Variants in KCNN2 observed in about 807,000 individuals in gnomAD.
KCNN2 encodes small conductance calcium-activated potassium channel protein 2.
Under a neutral mutation model 55.5 loss-of-function variants are expected in KCNN2, and 24 were observed. The observed-to-expected ratio is 0.43, with a 90% CI of 0.31 to 0.61. The LOEUF is 0.61. KCNN2 is among the 20% of genes least tolerant of loss of function. The pLI is 0.08. For missense variants in KCNN2, 754 were observed against 853.6 expected, an observed-to-expected ratio of 0.88 and a Z score of 1.45; for synonymous variants, 431 against 336.1, an observed-to-expected ratio of 1.28 and a Z score of -3.09.
intron 1 of KCNN2, among the ~76,000 whole-genome samples, chr5:114,205,774 T>A (rs955524688): frequency 6.6e-6 from 1 of 152,210 alleles, no homozygotes; most frequent in Non-Finnish European, 1.5e-5. Flanking sequence ...TTCTCAGTAT[T>A]TTACTGACTT....
chr5:114,422,273 T>G (rs1264713791), intron 3 of KCNN2, among the ~76,000 whole-genome samples: 2 of 152,194 alleles, frequency 1.3e-5, no homozygotes, highest in East Asian at 3.9e-4. Flanking sequence ...TATTTAAAAC[T>G]GGGGTCTTTC....
chr5:114,279,613 C>G (rs1452872010), intron 2 of KCNN2, among the ~76,000 whole-genome samples: 1 of 152,138 alleles, frequency 6.6e-6, no homozygotes, highest in East Asian at 1.9e-4. Flanking sequence ...ATCCATGTCC[C>G]TGCAAAGGAC....
chr5:114,390,143 A>G (rs1236901943), intron 2 of KCNN2, among the ~76,000 whole-genome samples: 1 of 152,218 alleles, frequency 6.6e-6, no homozygotes, highest in Non-Finnish European at 1.5e-5. Context: ...CAATATTATT[A>G]CTATAATGCT....
At chr5:114,080,215 T>C (rs1015298529) in intron 1 of KCNN2, among the ~76,000 whole-genome samples, 2 of 152,206 alleles carry the variant, frequency 1.3e-5, no homozygotes, top group Admixed American at 6.5e-5. Flanking sequence ...ATTTGAAAAC[T>C]AGAATGAGAA....
At chr5:114,253,357 C>T (rs906785117) in intron 2 of KCNN2, among the ~76,000 whole-genome samples, 1 of 152,116 alleles carries the variant, frequency 6.6e-6, no homozygotes, top group Non-Finnish European at 1.5e-5. Context: ...TGGAATTTAG[C>T]TTTCTACCTG....
At chr5:114,472,702 T>C (rs1198946170) in intron 4 of KCNN2, among the ~76,000 whole-genome samples, 1 of 152,220 alleles carries the variant, frequency 6.6e-6, no homozygotes, top group Non-Finnish European at 1.5e-5. Flanking sequence ...TTTATGCTAA[T>C]CTACTCATTT....
chr5:114,378,665 A>T, intron 2 of KCNN2, among the ~76,000 whole-genome samples: 1 of 151,896 alleles, frequency 6.6e-6, no homozygotes, highest in East Asian at 1.9e-4. Context: ...CGGGGTTGGG[A>T]GTCATTTTTG....
At chr5:114,390,281 T>C (rs1268198669) in intron 2 of KCNN2, among the ~76,000 whole-genome samples, 1 of 152,166 alleles carries the variant, frequency 6.6e-6, no homozygotes, top group Non-Finnish European at 1.5e-5. Flanking sequence ...TGGTTCCCCA[T>C]CTACTTGCAG....
intron 3 of KCNN2, among the ~76,000 whole-genome samples, chr5:114,417,527 T>C (rs1759342345): frequency 6.6e-6 from 1 of 152,192 alleles, no homozygotes; most frequent in South Asian, 2.1e-4. Context: ...TTAACCATCA[T>C]TCACCGACTA....
intron 1 of KCNN2, among the ~76,000 whole-genome samples, chr5:114,062,831 C>A (rs560883810): frequency 1.3e-5 from 2 of 152,110 alleles, no homozygotes; most frequent in Non-Finnish European, 2.9e-5. Flanking sequence ...CCCTGTTTTT[C>A]TTTTAAGGCA....
At chr5:114,279,264 A>G (rs1031739487) in intron 2 of KCNN2, among the ~76,000 whole-genome samples, 7 of 151,898 alleles carry the variant, frequency 4.6e-5, no homozygotes, top group Non-Finnish European at 8.8e-5. Context: ...TTACTTTGCA[A>G]TGTCTTTATC....
rs554742710 is a variant in KCNN2, at chr5:114,491,391, TA to T, written c.2019-2006del. Among the ~76,000 whole-genome samples the T allele has an allele frequency of 3.2e-4, 49 of 152,216 alleles. No individual in the cohort carries two copies. In the South Asian group the frequency reaches 4.8e-3, roughly 15 times the overall value. On this transcript the variant is annotated intron_variant, in intron 6 of 7. Coordinates refer to ENST00000673685, the MANE Select transcript of KCNN2 (RefSeq NM_021614.4). ...TTAATCCATTTTTATACAAATGGAT[TA>T]AAAAATATTACGAAGAAAGGTAAAG... is the stretch of plus-strand genomic sequence containing the variant.
At chr5:114,248,804 A>AT (rs1427406401) in intron 2 of KCNN2, among the ~76,000 whole-genome samples, 3 of 152,186 alleles carry the variant, frequency 2.0e-5, no homozygotes, top group South Asian at 4.1e-4. Context: ...ATATTAACAA[A>AT]TTTTTTTAAG....
chr5:114,152,358 G>T (rs574660344), intron 1 of KCNN2, among the ~76,000 whole-genome samples: 3 of 152,100 alleles, frequency 2.0e-5, no homozygotes, highest in African/African-American at 4.8e-5. Context: ...GAAAATACTT[G>T]TTTGGATATT....
At chr5:114,147,402 G>A (rs143847719) in intron 1 of KCNN2, among the ~76,000 whole-genome samples, 22 of 152,242 alleles carry the variant, frequency 1.4e-4, no homozygotes, top group African/African-American at 2.2e-4. Context: ...TTAGTGATAC[G>A]TTGACGTCCT....
intron 2 of KCNN2, among the ~76,000 whole-genome samples, chr5:114,276,884 C>A (rs1755501205): frequency 2.6e-5 from 4 of 152,026 alleles, no homozygotes. Context: ...CATTATGGTG[C>A]TAGCTGGTTA....
At chr5:114,357,933 C>T (rs1423625970), upstream of KCNN2, among the ~76,000 whole-genome samples, 214 of 150,660 alleles carry the variant, frequency 1.4e-3, 1 homozygote, top group African/African-American at 4.9e-3. Flanking sequence ...AAAAGTGTTC[C>T]TATTTCTCCA....
At chr5:114,099,171 T>C (rs1751325111) in intron 1 of KCNN2, among the ~76,000 whole-genome samples, 1 of 152,124 alleles carries the variant, frequency 6.6e-6, no homozygotes, top group Non-Finnish European at 1.5e-5. Flanking sequence ...CCACACCACA[T>C]AGGCAGCCAG....
At chr5:114,264,169 G>A (rs1201989300) in intron 2 of KCNN2, among the ~76,000 whole-genome samples, 4 of 152,154 alleles carry the variant, frequency 2.6e-5, no homozygotes, top group African/African-American at 4.8e-5. Context: ...ACTCCCAAGA[G>A]CTTCCAGTTT....
Sources: allele counts gnomAD v4.1 joint callset (sites outside exome capture counted in the v4.1 genomes callset), GRCh38; gene constraint gnomAD v4.1.1; transcripts MANE v1.5; gene names NCBI Gene and HGNC (gene_info 2026-07-23, HGNC 2026-07-21).